The following COL25A1 variants were observed in gnomAD, a reference collection of about 807,000 sequenced individuals.
COL25A1 encodes collagen alpha-1(XXV) chain.
A neutral mutation model predicts 128.4 loss-of-function variants in COL25A1; 103 were observed. The observed-to-expected ratio is 0.80, with a 90% CI of 0.68 to 0.94. The LOEUF is 0.94. Ranked by LOEUF, COL25A1 falls within the 40% of genes least tolerant of loss-of-function variation. The pLI is 0.00. For missense variants in COL25A1, 745 were observed against 840.0 expected (o/e 0.89, Z 1.40); for synonymous variants, 279 against 277.2 (o/e 1.01, Z -0.06).
chr4:109,280,704 G>A (rs931145736), intron 3 of COL25A1, among the ~76,000 whole-genome samples: 10 of 151,478 alleles, frequency 6.6e-5, no homozygotes, highest in African/African-American at 2.4e-4. Flanking sequence ...CCAGGCTGGA[G>A]CGCAATGGCA....
chr4:109,171,657 G>A (rs1773599124), intron 3 of COL25A1, among the ~76,000 whole-genome samples: 1 of 152,116 alleles, frequency 6.6e-6, no homozygotes, highest in South Asian at 2.1e-4. Flanking sequence ...GCTTTTCCAA[G>A]GTAAGTGCTG....
At chr4:109,255,641 A>C (rs1578563094) in intron 3 of COL25A1, among the ~76,000 whole-genome samples, 1 of 124,468 alleles carries the variant, frequency 8.0e-6, no homozygotes, top group African/African-American at 3.2e-5. Context: ...CTTTTTAAAA[A>C]CCTCTTTCCC....
Position 108,946,448 on chromosome 4 carries a change from G to A in COL25A1, c.493-5011C>T, listed in dbSNP as rs369929646. On this transcript the variant is annotated intron_variant, in intron 8 of 37. Transcript: ENST00000399132. The stretch of plus-strand genomic sequence containing the variant: ...TTCTGATTCTAAACTTTGTCATTAC[G>A]CAATTTATGTGTTTATAATTTTCTT... 4.3e-4 allele frequency among the ~76,000 whole-genome samples: 65 copies of A among 152,228 alleles called. No homozygotes were observed. In the South Asian group the frequency reaches 1.0e-2, roughly 23 times the overall value.
intron 6 of COL25A1, among the ~76,000 whole-genome samples, chr4:108,983,746 T>G (rs1262864156): frequency 6.6e-6 from 1 of 150,826 alleles, no homozygotes; most frequent in Admixed American, 6.6e-5. Flanking sequence ...CTTAAGGCGG[T>G]GCGTCTGGAG....
chr4:109,230,863 G>A (rs1185349899), intron 3 of COL25A1, among the ~76,000 whole-genome samples: 1 of 152,186 alleles, frequency 6.6e-6, no homozygotes, highest in South Asian at 2.1e-4. Flanking sequence ...ATTTAAGGCC[G>A]GGCGCAGCGG....
At chr4:108,832,328 C>T (rs750432665) in intron 32 of COL25A1, 52 bp downstream of exon 32, 3 of 1,265,416 alleles carry the variant, frequency 2.4e-6, no homozygotes, top group South Asian at 2.6e-5. Context: ...ATGGAAAAGC[C>T]ATGCTCTGTG....
intron 24 of COL25A1, among the ~76,000 whole-genome samples, chr4:108,855,613 T>C (rs1736397503): frequency 6.6e-6 from 1 of 152,166 alleles, no homozygotes; most frequent in Non-Finnish European, 1.5e-5. Flanking sequence ...TGCTAGTTTG[T>C]ATTTTTTTAA....
At chr4:109,188,343 CGTG>C (rs1228555502) in intron 3 of COL25A1, among the ~76,000 whole-genome samples, 2 of 152,152 alleles carry the variant, frequency 1.3e-5, no homozygotes, top group Non-Finnish European at 2.9e-5. Flanking sequence ...GCTGGGAACA[CGTG>C]GTGGTGCTCT....
At chr4:108,968,812 T>C (rs542718399) in intron 8 of COL25A1, among the ~76,000 whole-genome samples, 1 of 152,290 alleles carries the variant, frequency 6.6e-6, no homozygotes, top group Non-Finnish European at 1.5e-5. Flanking sequence ...GAATTCAACA[T>C]AATTAAAATC....
At chr4:108,854,814 AGG>A (rs1736279982) in intron 24 of COL25A1, among the ~76,000 whole-genome samples, 1 of 152,172 alleles carries the variant, frequency 6.6e-6, no homozygotes, top group African/African-American at 2.4e-5. Context: ...CAATTCCTCA[AGG>A]ATCTAGAACT....
chr4:108,867,997 C>T (rs902047240), intron 20 of COL25A1, among the ~76,000 whole-genome samples: 16 of 152,028 alleles, frequency 1.1e-4, no homozygotes, highest in Admixed American at 8.5e-4. Context: ...TTTTTGCAGA[C>T]GTTATTCAGA....
At chr4:108,823,277 T>C (rs550743077) in intron 35 of COL25A1, among the ~76,000 whole-genome samples, 3 of 152,306 alleles carry the variant, frequency 2.0e-5, no homozygotes, top group South Asian at 4.1e-4. Flanking sequence ...ATTGAGTTTT[T>C]GATGGCTTCT....
Position 109,088,690 on chromosome 4 carries a change from A to T in COL25A1, c.368-38511T>A, listed in dbSNP as rs140887374. 8.6e-5 allele frequency among the ~76,000 whole-genome samples: 13 copies of T among 150,822 alleles called. No homozygotes were observed. The East Asian group carries it at 2.5e-3, about 29-fold the overall frequency. ...TTCCAGGCACTGAATTTATAGTAGT[A>T]AGTGAGACAGTTTCTCTGCTTTCAG... is the stretch of plus-strand genomic sequence containing the variant. On this transcript the variant is annotated intron_variant, in intron 3 of 37. Transcript: ENST00000399132.
At chr4:109,279,371 A>G (rs1392643495) in intron 3 of COL25A1, among the ~76,000 whole-genome samples, 11 of 152,232 alleles carry the variant, frequency 7.2e-5, no homozygotes, top group African/African-American at 2.6e-4. Flanking sequence ...GTGCTTTGGG[A>G]GGTTGAGACC....
At chr4:109,113,139 T>G (rs973428748) in intron 3 of COL25A1, among the ~76,000 whole-genome samples, 6 of 152,138 alleles carry the variant, frequency 3.9e-5, no homozygotes, top group African/African-American at 1.4e-4. Flanking sequence ...GGGGCAAATG[T>G]GAATAATCTC....
At chr4:109,183,259 C>G (rs1320137020) in intron 3 of COL25A1, among the ~76,000 whole-genome samples, 1 of 152,040 alleles carries the variant, frequency 6.6e-6, no homozygotes, top group Non-Finnish European at 1.5e-5. Flanking sequence ...GACTCTGATG[C>G]TTTGCTCCCA....
At chr4:109,114,555 G>A (rs1767340544) in intron 3 of COL25A1, among the ~76,000 whole-genome samples, 1 of 152,070 alleles carries the variant, frequency 6.6e-6, no homozygotes, top group African/African-American at 2.4e-5. Context: ...GGACCAGGGA[G>A]CTGCATGTGA....
intron 3 of COL25A1, among the ~76,000 whole-genome samples, chr4:109,252,400 T>A (rs536733756): frequency 2.3e-4 from 35 of 152,268 alleles, no homozygotes; most frequent in African/African-American, 7.9e-4. Context: ...ATAACCTCCA[T>A]CCCTGCCACA....
intron 3 of COL25A1, among the ~76,000 whole-genome samples, chr4:109,250,304 G>GA (rs981196876): frequency 3.3e-5 from 5 of 149,670 alleles, no homozygotes; most frequent in African/African-American, 1.2e-4. Flanking sequence ...AAATATCTGG[G>GA]GGGGGAGGTA....
Sources: gnomAD v4.1 joint callset for allele counts (sites outside exome capture counted in the v4.1 genomes callset) on GRCh38, gnomAD v4.1.1 for gene constraint, MANE v1.5 for transcripts, NCBI Gene and HGNC (gene_info 2026-07-23, HGNC 2026-07-21) for gene names.